The following CTNNA2 variants were observed in gnomAD, a reference collection of about 807,000 sequenced individuals.
CTNNA2 encodes the protein catenin alpha 2.
CTNNA2 carries 42 observed loss-of-function variants against 101.0 expected under a neutral mutation model. The ratio of observed to expected loss-of-function variants is 0.42; its 90% confidence interval spans 0.32 to 0.54. The LOEUF is 0.54. Among genes scored for constraint, CTNNA2 ranks in the 20% least tolerant of loss-of-function variants. The pLI is 0.14. For synonymous variants in CTNNA2, 450 were observed against 456.4 expected, an observed-to-expected ratio of 0.99 and a Z score of 0.18; for missense variants, 871 against 1,223.1, an observed-to-expected ratio of 0.71 and a Z score of 4.29.
intron 2 of CTNNA2, among the ~76,000 whole-genome samples, chr2:79,277,046 A>G (rs920334577): frequency 1.3e-5 from 2 of 152,066 alleles, no homozygotes; most frequent in African/African-American, 4.8e-5. Flanking sequence ...TGTGAAAATG[A>G]ATCTTTGAAT....
At chr2:80,342,185 G>T (rs1672306450) in intron 7 of CTNNA2, among the ~76,000 whole-genome samples, 1 of 152,188 alleles carries the variant, frequency 6.6e-6, no homozygotes, top group Non-Finnish European at 1.5e-5. Context: ...TCTACATGTA[G>T]AGAGTGCTGA....
chr2:79,860,609 TAAG>T (rs1330425226), intron 4 of CTNNA2, among the ~76,000 whole-genome samples: 2 of 143,268 alleles, frequency 1.4e-5, no homozygotes, highest in Non-Finnish European at 3.0e-5. Context: ...CTGGCAATAT[TAAG>T]TAGTCCTGTC....
At chr2:80,439,866 A>G (rs986792639) in intron 9 of CTNNA2, among the ~76,000 whole-genome samples, 4 of 152,242 alleles carry the variant, frequency 2.6e-5, no homozygotes, top group Non-Finnish European at 5.9e-5. Flanking sequence ...ACATGAGTCT[A>G]GAGTCCAAAT....
At chr2:80,339,159 T>G (rs1281401046) in intron 7 of CTNNA2, among the ~76,000 whole-genome samples, 1 of 152,142 alleles carries the variant, frequency 6.6e-6, no homozygotes, top group Non-Finnish European at 1.5e-5. Context: ...CAAACCACTT[T>G]CACTAATAAT....
At chr2:80,565,931 G>A (rs1044069782) in intron 12 of CTNNA2, among the ~76,000 whole-genome samples, 13 of 151,986 alleles carry the variant, frequency 8.6e-5, no homozygotes, top group South Asian at 2.1e-4. Context: ...GTTTAATAAC[G>A]TGTAAAATTA....
chr2:79,894,063 T>G lies in CTNNA2; in HGVS notation c.853-15531T>G, dbSNP rs12998155. ...CTTCTTCTTCTTCTTCTTCTTCTTCTTCCTCCTCCTCCTCCTCCTTCTTCT... is the reference window on the plus strand; with the variant it reads ...CTTCTTCTTCTTCTTCTTCTTCTTCGTCCTCCTCCTCCTCCTCCTTCTTCT... On this transcript the variant is annotated intron_variant, in intron 6 of 18. Transcript: ENST00000402739. Among the ~76,000 whole-genome samples, 5 of 61,320 alleles carry G rather than the reference T, an allele frequency of 8.2e-5. No individual in the cohort carries two copies. The Admixed American group carries it at 1.1e-3, about 13-fold the overall frequency. 40.2% of individuals were successfully genotyped at this position (61,320 alleles called of 152,430 possible).
intron 15 of CTNNA2, among the ~76,000 whole-genome samples, chr2:80,598,725 G>T (rs1697204717): frequency 6.6e-6 from 1 of 152,160 alleles, no homozygotes; most frequent in Admixed American, 6.5e-5. Context: ...TGCATGCAAT[G>T]ATTTGGATAA....
intron 9 of CTNNA2, among the ~76,000 whole-genome samples, chr2:80,449,005 G>C (rs74880738): frequency 1.3e-5 from 2 of 152,260 alleles, no homozygotes; most frequent in Non-Finnish European, 2.9e-5. Context: ...TGCTTTCTAA[G>C]GCATAGTCCT....
intron 7 of CTNNA2, among the ~76,000 whole-genome samples, chr2:80,236,281 A>G (rs1236093213): frequency 6.6e-6 from 1 of 152,060 alleles, no homozygotes; most frequent in African/African-American, 2.4e-5. Context: ...TTTGTGTGCA[A>G]GTGTCTTTAT....
intron 3 of CTNNA2, among the ~76,000 whole-genome samples, chr2:79,787,355 A>G (rs1161112655): frequency 1.3e-5 from 2 of 152,102 alleles, no homozygotes; most frequent in Admixed American, 6.6e-5. Flanking sequence ...CCAGTGAGTT[A>G]GCTGAGACTT....
intron 4 of CTNNA2, among the ~76,000 whole-genome samples, chr2:79,478,151 C>G (rs933573465): frequency 1.3e-5 from 2 of 152,144 alleles, no homozygotes; most frequent in East Asian, 1.9e-4. Context: ...TTCTTCCTCC[C>G]CCACTAAATT....
intron 7 of CTNNA2, among the ~76,000 whole-genome samples, chr2:80,368,833 G>A (rs1212397938): frequency 7.3e-6 from 1 of 137,924 alleles, no homozygotes; most frequent in Non-Finnish European, 1.5e-5. Flanking sequence ...ATATATATAT[G>A]TGTGTGTGTA....
intron 7 of CTNNA2, among the ~76,000 whole-genome samples, chr2:80,233,650 G>T (rs944322511): frequency 6.6e-6 from 1 of 152,070 alleles, no homozygotes; most frequent in African/African-American, 2.4e-5. Flanking sequence ...ATCATATTTT[G>T]CTAGAAAAGG....
intron 3 of CTNNA2, among the ~76,000 whole-genome samples, chr2:79,808,322 T>C (rs1877190): frequency 0.45 from 67,793 of 151,942 alleles, 18,801 homozygotes; most frequent in African/African-American, 0.77. Context: ...TGTGTTGCTG[T>C]TCAGAAAATA....
At chr2:79,351,496 A>G (rs139162394) in intron 3 of CTNNA2, among the ~76,000 whole-genome samples, 4 of 152,146 alleles carry the variant, frequency 2.6e-5, no homozygotes, top group African/African-American at 9.6e-5. Flanking sequence ...GGTATATTAC[A>G]TGATGCTGAG....
chr2:79,253,217 G>A (rs1674795909), intron 2 of CTNNA2, among the ~76,000 whole-genome samples: 1 of 152,150 alleles, frequency 6.6e-6, no homozygotes, highest in Non-Finnish European at 1.5e-5. Flanking sequence ...ACAGGGAGAT[G>A]GGATGCTTCT....
At chr2:79,266,751 A>G (rs994369215) in intron 2 of CTNNA2, among the ~76,000 whole-genome samples, 9 of 152,092 alleles carry the variant, frequency 5.9e-5, no homozygotes, top group Non-Finnish European at 1.0e-4. Context: ...ACCTAGTATC[A>G]CCAGCATTTG....
At chr2:79,625,697 C>G (rs1349290432) in intron 1 of CTNNA2, among the ~76,000 whole-genome samples, 1 of 152,134 alleles carries the variant, frequency 6.6e-6, no homozygotes, top group Non-Finnish European at 1.5e-5. Context: ...ACTCCAGGCT[C>G]TTGCTCCTGA....
chr2:79,782,727 A>G (rs1329786912), intron 3 of CTNNA2, among the ~76,000 whole-genome samples: 2 of 152,208 alleles, frequency 1.3e-5, no homozygotes, highest in East Asian at 3.9e-4. Flanking sequence ...GAACAATGAA[A>G]TGCAGCTGCC....
Sources: allele counts gnomAD v4.1 joint callset (sites outside exome capture counted in the v4.1 genomes callset), GRCh38; gene constraint gnomAD v4.1.1; transcripts MANE v1.5; gene names NCBI Gene and HGNC (gene_info 2026-07-23, HGNC 2026-07-21).